BTG2: variants seen among roughly 807,000 people sequenced by gnomAD.
BTG2 encodes the protein protein BTG2.
Under a neutral mutation model 13.1 loss-of-function variants are expected in BTG2, and 9 were observed. That is an observed-to-expected ratio of 0.69 (90% CI 0.41 to 1.20). The LOEUF is 1.20. Among genes scored for constraint, BTG2 ranks in the 50% most tolerant of loss-of-function variants. The probability of loss-of-function intolerance (pLI) is 0.00; values close to 1 mark genes in which losing one functional copy is unlikely to be tolerated. For synonymous variants in BTG2, 92 were observed against 88.6 expected (o/e 1.04, Z -0.21); for missense variants, 200 against 209.5 (o/e 0.95, Z 0.28).
rs767274150 is a variant in BTG2, at chr1:203,307,130, G to A, written c.169G>A (p.Glu57Lys). The change falls in exon 2 of 2, where the codon GAA becomes AAA. Residue 57 changes from glutamate to lysine, a missense_variant. Physicochemically the swap from Glu to Lys is moderately conservative, Grantham distance 56. Transcript: ENST00000290551. ...TEHYKHHWFP[E>K]KPSKGSGYRC... ...GCACTACAAACACCACTGGTTTCCCGAAAAGCCGTCCAAGGGCTCCGGCTA... is the reference window on the plus strand; with the variant it reads ...GCACTACAAACACCACTGGTTTCCCAAAAAGCCGTCCAAGGGCTCCGGCTA... 59 of 1,613,994 alleles carry A rather than the reference G, an allele frequency of 3.7e-5. No homozygotes were observed. Among genetic ancestry groups the A allele is most frequent in the Non-Finnish European group, 4.9e-5 (58 of 1,180,012 alleles).
chr1:203,306,819 C>T (rs1658285728), intron 1 of BTG2, among the ~76,000 whole-genome samples: 1 of 142,690 alleles, frequency 7.0e-6, no homozygotes, highest in African/African-American at 2.6e-5. Context: ...CACACACACA[C>T]ACTCTCTCTC....
In BTG2 at chr1:203,307,447, G is replaced by GC. The variant is rs1208400964; in HGVS notation, c.*14dup. 8.3e-6 allele frequency: 13 copies of GC among 1,562,854 alleles called. No individual in the cohort carries two copies. The highest frequency in any genetic ancestry group is 1.7e-4 in the Middle Eastern group (1 of 5,774). On this transcript the variant is annotated 3_prime_UTR_variant, in exon 2 of 2. Coordinates refer to ENST00000290551, the MANE Select transcript of BTG2 (RefSeq NM_006763.3). ...TGGCAGTCTCCAGCTAGGCCCTTCC[G>GC]CCCCCGCCCTGGGCGCCGCCGTGCT... is the stretch of plus-strand genomic sequence containing the variant.
Position 203,307,131 on chromosome 1 carries a change from A to G in BTG2, c.170A>G (p.Glu57Gly). The G allele has an allele frequency of 6.2e-7, 1 of 1,614,138 alleles. No homozygotes were observed. The highest frequency in any genetic ancestry group is 8.5e-7 in the Non-Finnish European group (1 of 1,180,014). ...CACTACAAACACCACTGGTTTCCCG[A>G]AAAGCCGTCCAAGGGCTCCGGCTAC... ...TEHYKHHWFP[E>G]KPSKGSGYRC... The change falls in exon 2 of 2, where the codon GAA (glutamate) becomes GGA (glycine). Residue 57 changes from glutamate (E) to glycine (G), a missense_variant. Coordinates refer to ENST00000290551, the MANE Select transcript of BTG2 (RefSeq NM_006763.3).
chr1:203,307,018 C>A, intron 1 of BTG2, 86 bp from the exon 2 acceptor site: 2 of 1,201,296 alleles, frequency 1.7e-6, no homozygotes, highest in Non-Finnish European at 2.4e-6. Flanking sequence ...CTCCTCCTGT[C>A]CCTTGACCCT....
In BTG2 at chr1:203,308,689, G is replaced by T. The variant is rs1419398419; in HGVS notation, c.*1251G>T. 6.6e-6 allele frequency: 1 copy of T among 152,634 alleles called. No homozygotes were observed. The allele number at this position is 152,634 out of a possible 1,614,324, so 9.5% of individuals were successfully genotyped here. A position where few individuals can be genotyped will look rare whatever the true frequency, so the allele number is the denominator to read the frequency against. On this transcript the variant is annotated 3_prime_UTR_variant, in exon 2 of 2. Transcript: ENST00000290551. ...TTCTGCAAGACTACTTGGTATTCTT[G>T]TAGGGCCGACACTAAATAAAAGCCA... is the stretch of plus-strand genomic sequence containing the variant.
At chr1:203,305,830 AG>A (rs1658246117) in intron 1 of BTG2, 82 bp downstream of exon 1, 1 of 1,486,046 alleles carries the variant, frequency 6.7e-7, no homozygotes, top group Non-Finnish European at 8.9e-7. Context: ...CTCCTGCGGC[AG>A]GGTGACCCAC....
chr1:203,306,156 A>G (rs987818987), intron 1 of BTG2, among the ~76,000 whole-genome samples: 7 of 152,042 alleles, frequency 4.6e-5, no homozygotes, highest in African/African-American at 1.7e-4. Context: ...GGTGCAGTCG[A>G]GCCTTTTCAA....
Position 203,308,071 on chromosome 1 carries a change from T to C in BTG2, c.*633T>C, listed in dbSNP as rs1658314753. The stretch of plus-strand genomic sequence containing the variant: ...TTCTAATTCTACCCTCAGGGGCCTG[T>C]AGATGTTGCTTTCCAGCCAGGAATC... On this transcript the variant is annotated 3_prime_UTR_variant, in exon 2 of 2. Transcript: ENST00000290551. The C allele has an allele frequency of 6.6e-6, 1 of 152,542 alleles. No individual in the cohort carries two copies. Among genetic ancestry groups the C allele is most frequent in the Non-Finnish European group, 1.5e-5 (1 of 68,062 alleles). 9.4% of individuals were successfully genotyped at this position (152,542 alleles called of 1,614,324 possible).
chr1:203,308,467 T>C lies in BTG2; in HGVS notation c.*1029T>C, dbSNP rs1215708551. ...TTCTGGTCGGGTCATAGAGCTACCG[T>C]ATTTTCTAGGACAAGAGTTCTCAGT... On this transcript the variant is annotated 3_prime_UTR_variant, in exon 2 of 2. Transcript: ENST00000290551. 4 of 152,622 alleles carry C rather than the reference T, an allele frequency of 2.6e-5. No homozygotes were observed. The highest frequency in any genetic ancestry group is 1.5e-5 in the Non-Finnish European group (1 of 68,046). 9.5% of individuals were successfully genotyped at this position (152,622 alleles called of 1,614,324 possible).
intron 1 of BTG2, among the ~76,000 whole-genome samples, chr1:203,306,629 C>T (rs1428097532): frequency 6.6e-6 from 1 of 152,052 alleles, no homozygotes; most frequent in Non-Finnish European, 1.5e-5. Flanking sequence ...GCTGTGGACC[C>T]AACAATGTTG....
At chr1:203,306,192 T>C (rs1658267089) in intron 1 of BTG2, among the ~76,000 whole-genome samples, 1 of 152,160 alleles carries the variant, frequency 6.6e-6, no homozygotes, top group African/African-American at 2.4e-5. Flanking sequence ...GTGCGGTTCT[T>C]CCTGCCGGTC....
At position 203,305,601 on chromosome 1, in the gene BTG2, C is replaced by A; in HGVS notation, c.-6C>A. ...GACCTCTCACTGAGCCCGAGCCGCG[C>A]GCGACATGAGCCACGGGAAGGGAAC... On this transcript the variant is annotated 5_prime_UTR_variant, in exon 1 of 2. Transcript: ENST00000290551. 1 of 1,601,740 alleles carries A rather than the reference C, an allele frequency of 6.2e-7. No homozygotes were observed. Among genetic ancestry groups the A allele is most frequent in the Non-Finnish European group, 8.5e-7 (1 of 1,173,936 alleles).
At chr1:203,306,061 T>G (rs1658255409) in intron 1 of BTG2, among the ~76,000 whole-genome samples, 1 of 152,224 alleles carries the variant, frequency 6.6e-6, no homozygotes, top group South Asian at 2.1e-4. Flanking sequence ...CTCGTCTCCC[T>G]CGCTGGACCC....
Position 203,307,448 on chromosome 1 carries a change from C to A in BTG2, c.*10C>A, listed in dbSNP as rs766409214. The A allele has an allele frequency of 6.4e-6, 10 of 1,562,876 alleles. No individual in the cohort carries two copies. Among genetic ancestry groups the A allele is most frequent in the Non-Finnish European group, 7.8e-6 (9 of 1,150,452 alleles). ...GGCAGTCTCCAGCTAGGCCCTTCCG[C>A]CCCCGCCCTGGGCGCCGCCGTGCTC... On this transcript the variant is annotated 3_prime_UTR_variant, in exon 2 of 2. Coordinates refer to ENST00000290551, the MANE Select transcript of BTG2 (RefSeq NM_006763.3).
Position 203,307,482 on chromosome 1 carries a change from G to GTTGTCACGGCAGCA in BTG2, c.*45_*46insTGTCACGGCAGCAT. 1 of 1,489,196 alleles carries GTTGTCACGGCAGCA rather than the reference G, an allele frequency of 6.7e-7. No individual in the cohort carries two copies. The highest frequency in any genetic ancestry group is 9.1e-7 in the Non-Finnish European group (1 of 1,101,724). 92.2% of individuals were successfully genotyped at this position (1,489,196 alleles called of 1,614,324 possible). A position where few individuals can be genotyped will look rare whatever the true frequency, so the allele number is the denominator to read the frequency against. On this transcript the variant is annotated 3_prime_UTR_variant, in exon 2 of 2. Transcript: ENST00000290551. ...TGGGCGCCGCCGTGCTCATGCTGCC[G>GTTGTCACGGCAGCA]TGACAACAGGCCACCACATACCTCA... is the stretch of plus-strand genomic sequence containing the variant.
At chr1:203,306,502 A>G in intron 1 of BTG2, among the ~76,000 whole-genome samples, 1 of 152,096 alleles carries the variant, frequency 6.6e-6, no homozygotes, top group East Asian at 1.9e-4. Flanking sequence ...CCTTCTGAGG[A>G]AAACAGATGT....
At position 203,305,526 on chromosome 1, in the gene BTG2, G is replaced by C; in HGVS notation, c.-81G>C. 1 of 1,484,144 alleles carries C rather than the reference G, an allele frequency of 6.7e-7. No homozygotes were observed. The highest frequency in any genetic ancestry group is 9.0e-7 in the Non-Finnish European group (1 of 1,112,094). The allele number at this position is 1,484,144 out of a possible 1,614,324, so 91.9% of individuals were successfully genotyped here. ...CCCGGGGAAAGTCCGGGCAGAGCCC[G>C]AGCAGCGGCCAGGGTAACGCTGTCT... On this transcript the variant is annotated 5_prime_UTR_variant, in exon 1 of 2. Transcript: ENST00000290551.
At position 203,309,211 on chromosome 1, in the gene BTG2, G is replaced by A. The variant is rs1658337434; in HGVS notation, c.*1773G>A. The A allele has an allele frequency of 6.6e-6, 1 of 152,584 alleles. No individual in the cohort carries two copies. The highest frequency in any genetic ancestry group is 2.1e-4 in the South Asian group (1 of 4,830). 9.5% of individuals were successfully genotyped at this position (152,584 alleles called of 1,614,324 possible). On this transcript the variant is annotated 3_prime_UTR_variant, in exon 2 of 2. Transcript: ENST00000290551. ...TGCTTCCAGTCTTTATTGCTTTAAAGTTCACTTTGGGCCCACAGACCCAAG... is the reference window on the plus strand; with the variant it reads ...TGCTTCCAGTCTTTATTGCTTTAAAATTCACTTTGGGCCCACAGACCCAAG...
In BTG2 at chr1:203,308,486, T is replaced by C. The variant is rs893760446; in HGVS notation, c.*1048T>C. The C allele has an allele frequency of 6.6e-6, 1 of 152,604 alleles. No homozygotes were observed. Among genetic ancestry groups the C allele is most frequent in the Non-Finnish European group, 1.5e-5 (1 of 68,028 alleles). 9.5% of individuals were successfully genotyped at this position (152,604 alleles called of 1,614,324 possible). A position where few individuals can be genotyped will look rare whatever the true frequency, so the allele number is the denominator to read the frequency against. ...CTACCGTATTTTCTAGGACAAGAGT[T>C]CTCAGTCACTGTGCAATATGCCCCC... On this transcript the variant is annotated 3_prime_UTR_variant, in exon 2 of 2. Transcript: ENST00000290551.
Sources: allele counts gnomAD v4.1 joint callset (sites outside exome capture counted in the v4.1 genomes callset), GRCh38; gene constraint gnomAD v4.1.1; transcripts MANE v1.5; gene names NCBI Gene and HGNC (gene_info 2026-07-23, HGNC 2026-07-21).